PKM: variants seen among roughly 807,000 people sequenced by gnomAD.
The protein encoded by PKM is pyruvate kinase PKM.
PKM carries 18 observed loss-of-function variants against 49.8 expected under a neutral mutation model. The observed-to-expected ratio is 0.36, with a 90% CI of 0.25 to 0.54. The LOEUF (loss-of-function observed/expected upper bound fraction) is 0.54, where lower values mean the gene tolerates loss of function less well. PKM is among the 20% of genes least tolerant of loss of function. PKM has a pLI of 0.89. For synonymous variants in PKM, 239 were observed against 261.8 expected (o/e 0.91, Z 0.84); for missense variants, 508 against 713.8 (o/e 0.71, Z 3.28).
At chr15:72,218,387 G>A (rs1353765039) in intron 2 of PKM, among the ~76,000 whole-genome samples, 2 of 151,758 alleles carry the variant, frequency 1.3e-5, no homozygotes, top group Non-Finnish European at 2.9e-5. Flanking sequence ...TCAGCCTCCC[G>A]AAGTGCTGGA....
intron 6 of PKM, among the ~76,000 whole-genome samples, chr15:72,208,355 A>G (rs2140652905): frequency 6.6e-6 from 1 of 152,174 alleles, no homozygotes; most frequent in South Asian, 2.1e-4. Flanking sequence ...TGTTCTCTCA[A>G]ATGTTGGTCC....
At chr15:72,210,131 TAA>T (rs144902278) in intron 4 of PKM, 11 of 555,692 alleles carry the variant, frequency 2.0e-5, no homozygotes, top group East Asian at 3.2e-5. Flanking sequence ...GTTTTTAGGG[TAA>T]AAAAAAAAGG....
rs150504036 is a variant in PKM at position 72,210,273 on chromosome 15, C to T, written c.378+74G>A. On this transcript the variant is annotated intron_variant, in intron 4 of 10. Transcript: ENST00000335181. ...AGTACTGGGAAGAAACATGGCAACC[C>T]AGCGCTTTGGAGGACATGTCTCTGG... 7 of 1,527,418 alleles carry T rather than the reference C, an allele frequency of 4.6e-6. No homozygotes were observed. In the African/African-American group the frequency reaches 9.6e-5, roughly 21 times the overall value. 94.6% of individuals were successfully genotyped at this position (1,527,418 alleles called of 1,614,324 possible).
chr15:72,203,011 T>G (rs1371111955), intron 8 of PKM: 1 of 1,613,280 alleles, frequency 6.2e-7, no homozygotes, highest in African/African-American at 1.3e-5. Flanking sequence ...TACCTGCCCT[T>G]AGGGCCCTAC....
At chr15:72,216,994 A>G (rs1390726890) in intron 3 of PKM, among the ~76,000 whole-genome samples, 1 of 152,194 alleles carries the variant, frequency 6.6e-6, no homozygotes, top group African/African-American at 2.4e-5. Flanking sequence ...CTGCCCAGTT[A>G]TTTTGGTTCT....
chr15:72,203,138 T>C, intron 8 of PKM: 4 of 1,614,040 alleles, frequency 2.5e-6, no homozygotes, highest in Non-Finnish European at 3.4e-6. Flanking sequence ...CTCGCACAAG[T>C]TCTTCAAACA....
In PKM at chr15:72,210,614, G is replaced by A. The variant is rs1014150538; in HGVS notation, c.247-136C>T. 1.3e-5 allele frequency: 12 copies of A among 956,168 alleles called. No homozygotes were observed. In the African/African-American group the frequency reaches 1.5e-4, roughly 12 times the overall value. 59.2% of individuals were successfully genotyped at this position (956,168 alleles called of 1,614,324 possible). Reference sequence around the variant, plus strand: ...AGAGCTCTATCTCCATCCTCAGCACGATCCATGCACTGAGAAATCCTCTAC... The same window carrying A: ...AGAGCTCTATCTCCATCCTCAGCACAATCCATGCACTGAGAAATCCTCTAC... On this transcript the variant is annotated intron_variant, in intron 3 of 10. Coordinates refer to ENST00000335181, the MANE Select transcript of PKM (RefSeq NM_002654.6).
chr15:72,214,167 A>G (rs2082321681), intron 3 of PKM, among the ~76,000 whole-genome samples: 1 of 152,100 alleles, frequency 6.6e-6, no homozygotes, highest in African/African-American at 2.4e-5. Context: ...CTTTGTTCTT[A>G]ATTTCCACTA....
intron 8 of PKM, chr15:72,203,008 C>G: frequency 6.2e-7 from 1 of 1,613,398 alleles, no homozygotes; most frequent in East Asian, 2.2e-5. Context: ...TGTTACCTGC[C>G]CTTAGGGCCC....
intron 1 of PKM, among the ~76,000 whole-genome samples, chr15:72,229,368 C>A (rs543838873): frequency 2.6e-5 from 4 of 152,188 alleles, no homozygotes; most frequent in African/African-American, 9.6e-5. Flanking sequence ...AGAGGCTGAA[C>A]TCCTTCAGAG....
At chr15:72,212,186 T>C (rs1211651618) in intron 3 of PKM, among the ~76,000 whole-genome samples, 2 of 152,106 alleles carry the variant, frequency 1.3e-5, no homozygotes, top group Non-Finnish European at 2.9e-5. Context: ...CAAAATAGAA[T>C]AGAATAGAGG....
intron 8 of PKM, chr15:72,204,192 A>C (rs1317827127): frequency 6.6e-6 from 1 of 152,246 alleles, no homozygotes; most frequent in Non-Finnish European, 1.5e-5. Flanking sequence ...TATGGGTCAT[A>C]AACTGCATCA....
At chr15:72,231,074 CCCT>C in intron 1 of PKM, 39 bp downstream of exon 1, 1 of 647,606 alleles carries the variant, frequency 1.5e-6, no homozygotes, top group South Asian at 1.5e-5. Context: ...GGGCGACTGG[CCCT>C]TGGTGGGGAC....
In PKM at chr15:72,202,782, T is replaced by C; in HGVS notation, c.1141-162A>G. ...AGCCCAATCACTGGAGATTCTGAGCTGAGCCAAGATCAAGACTCCACAGAA... is the reference window on the plus strand; with the variant it reads ...AGCCCAATCACTGGAGATTCTGAGCCGAGCCAAGATCAAGACTCCACAGAA... On this transcript the variant is annotated intron_variant, in intron 8 of 10. Coordinates refer to ENST00000335181, the MANE Select transcript of PKM (RefSeq NM_002654.6). This position sits in a 1 kb window ranked among gnomAD's most constrained non-coding sequence, Gnocchi z 4.5. 1.4e-6 allele frequency: 1 copy of C among 729,898 alleles called. No individual in the cohort carries two copies. The highest frequency in any genetic ancestry group is 2.3e-6 in the Non-Finnish European group (1 of 429,854). The allele number at this position is 729,898 out of a possible 1,614,324, so 45.2% of individuals were successfully genotyped here. A position where few individuals can be genotyped will look rare whatever the true frequency, so the allele number is the denominator to read the frequency against.
At chr15:72,199,880 G>C in intron 10 of PKM, 124 bp from the exon 11 acceptor site, 2 of 717,304 alleles carry the variant, frequency 2.8e-6, no homozygotes, top group Non-Finnish European at 5.2e-6. Flanking sequence ...ACACCACAAG[G>C]TGGCACCAAA....
Position 72,200,686 on chromosome 15 carries a change from A to C in PKM, c.1308-31T>G, listed in dbSNP as rs8192428. The C allele has an allele frequency of 1.3e-5, 21 of 1,590,088 alleles. No homozygotes were observed. In the Admixed American group the frequency reaches 1.3e-4, roughly 10 times the overall value. The stretch of plus-strand genomic sequence containing the variant: ...ATGGGATGGGGGACATACAGAAGAG[A>C]CCATTACACGAGGCCCCAGGAAGTA... On this transcript the variant is annotated intron_variant, in intron 9 of 10. Transcript: ENST00000335181. This position sits in a 1 kb window ranked among gnomAD's most constrained non-coding sequence, Gnocchi z 4.6.
chr15:72,226,822 G>A (rs1053761652), intron 1 of PKM, among the ~76,000 whole-genome samples: 3 of 152,228 alleles, frequency 2.0e-5, no homozygotes. Flanking sequence ...ACAGAAGTGG[G>A]GGAGGTGAGT....
intron 6 of PKM, among the ~76,000 whole-genome samples, chr15:72,207,623 T>C (rs1454430516): frequency 6.6e-6 from 1 of 152,156 alleles, no homozygotes; most frequent in East Asian, 1.9e-4. Flanking sequence ...AATCAGCACT[T>C]CAAGACAGGG....
At chr15:72,208,593 G>A in intron 6 of PKM, 28 bp downstream of exon 6, 8 of 1,613,302 alleles carry the variant, frequency 5.0e-6, no homozygotes, top group Non-Finnish European at 6.8e-6. Flanking sequence ...GCTGCGCTGG[G>A]ACTGGAGCAG....
Sources: allele counts gnomAD v4.1 joint callset (sites outside exome capture counted in the v4.1 genomes callset), GRCh38; gene constraint gnomAD v4.1.1; non-coding constraint Gnocchi (gnomAD v3.1); transcripts MANE v1.5; gene names NCBI Gene and HGNC (gene_info 2026-07-23, HGNC 2026-07-21).